The following JPH3 variants were observed in gnomAD, a reference collection of about 807,000 sequenced individuals.
JPH3 encodes junctophilin-3.
Under a neutral mutation model 59.6 loss-of-function variants are expected in JPH3, and 11 were observed. That is an observed-to-expected ratio of 0.18 (90% CI 0.12 to 0.31). JPH3 has a LOEUF of 0.31. JPH3 is among the 10% of genes least tolerant of loss of function. The probability of loss-of-function intolerance (pLI) is 1.00; values close to 1 mark genes in which losing one functional copy is unlikely to be tolerated. For synonymous variants in JPH3, 673 were observed against 483.6 expected (o/e 1.39, Z -5.14); for missense variants, 1,202 against 1,105.7 (o/e 1.09, Z -1.24).
chr16:87,655,456 C>T (rs4573933), intron 2 of JPH3, among the ~76,000 whole-genome samples: 5 of 152,074 alleles, frequency 3.3e-5, no homozygotes, highest in African/African-American at 7.3e-5. Flanking sequence ...TGAGCTCAAA[C>T]GATCCTCCCA....
At chr16:87,660,913 G>A (rs2032681114) in intron 2 of JPH3, among the ~76,000 whole-genome samples, 1 of 152,352 alleles carries the variant, frequency 6.6e-6, no homozygotes, top group African/African-American at 2.4e-5. Flanking sequence ...CATCTGTCCA[G>A]TGGAATGACA....
intron 1 of JPH3, among the ~76,000 whole-genome samples, chr16:87,610,419 G>A (rs1276805880): frequency 6.6e-6 from 1 of 152,220 alleles, no homozygotes. Flanking sequence ...TTCCATATGG[G>A]AAGCGGTTTG....
At chr16:87,639,642 G>A (rs7192813) in intron 1 of JPH3, among the ~76,000 whole-genome samples, 8,413 of 95,528 alleles carry the variant, frequency 0.088, 726 homozygotes, top group African/African-American at 0.25. Context: ...CTGGCCTCCC[G>A]CCTGTCCTCC....
chr16:87,638,385 C>T (rs1424110584), intron 1 of JPH3, among the ~76,000 whole-genome samples: 9 of 152,156 alleles, frequency 5.9e-5, no homozygotes, highest in African/African-American at 1.2e-4. Context: ...GTGCCTGGAC[C>T]GTGGAGCACA....
chr16:87,669,172 G>A (rs573533955), intron 2 of JPH3, among the ~76,000 whole-genome samples: 202 of 152,256 alleles, frequency 1.3e-3, no homozygotes, highest in Admixed American at 3.3e-3. Context: ...TGCAGGCATT[G>A]GTCTGCTCTA....
intron 3 of JPH3, among the ~76,000 whole-genome samples, chr16:87,687,475 G>T (rs1295627144): frequency 1.3e-5 from 2 of 152,194 alleles, no homozygotes; most frequent in East Asian, 1.9e-4. Context: ...TGACCGTCAG[G>T]GTTCTGCCCA....
intron 2 of JPH3, among the ~76,000 whole-genome samples, chr16:87,645,413 A>T (rs985556026): frequency 2.0e-5 from 3 of 152,216 alleles, no homozygotes; most frequent in Non-Finnish European, 4.4e-5. Flanking sequence ...TGACACCACC[A>T]GGTGGGGGTG....
chr16:87,642,779 A>G (rs958572173), intron 1 of JPH3, among the ~76,000 whole-genome samples: 7 of 152,206 alleles, frequency 4.6e-5, no homozygotes, highest in African/African-American at 1.7e-4. Flanking sequence ...GTTCCACTCT[A>G]CAGACGAGGA....
At chr16:87,661,776 C>G (rs1193247699) in intron 2 of JPH3, among the ~76,000 whole-genome samples, 2 of 152,222 alleles carry the variant, frequency 1.3e-5, no homozygotes, top group Non-Finnish European at 2.9e-5. Context: ...GGGGCTTCGA[C>G]TTAGAAGGGG....
At chr16:87,636,304 C>T (rs375959109) in intron 1 of JPH3, among the ~76,000 whole-genome samples, 7 of 152,350 alleles carry the variant, frequency 4.6e-5, no homozygotes, top group African/African-American at 1.7e-4. Context: ...CGCGGTTGGC[C>T]GCCAAGCACT....
intron 1 of JPH3, chr16:87,604,447 G>C (rs1194806050): frequency 7.3e-7 from 1 of 1,378,500 alleles, no homozygotes; most frequent in East Asian, 4.2e-5. Flanking sequence ...TTTCCTGGAA[G>C]CCAGACCCCA....
intron 1 of JPH3, among the ~76,000 whole-genome samples, chr16:87,640,563 T>C (rs1172218935): frequency 6.6e-6 from 1 of 151,778 alleles, no homozygotes; most frequent in African/African-American, 2.4e-5. Context: ...GCTAGTTTTT[T>C]TGTATTTTTA....
intron 1 of JPH3, among the ~76,000 whole-genome samples, chr16:87,605,510 T>C (rs2030486192): frequency 6.6e-6 from 1 of 152,164 alleles, no homozygotes; most frequent in Non-Finnish European, 1.5e-5. Flanking sequence ...GAGCGGCGAT[T>C]ATGTTGTGAC....
At chr16:87,627,079 C>G (rs1381784908) in intron 1 of JPH3, among the ~76,000 whole-genome samples, 1 of 152,264 alleles carries the variant, frequency 6.6e-6, no homozygotes, top group African/African-American at 2.4e-5. Context: ...CGGGCCTGCC[C>G]CAGCCCCGCT....
intron 2 of JPH3, among the ~76,000 whole-genome samples, chr16:87,679,606 G>A (rs957025143): frequency 2.6e-5 from 4 of 152,228 alleles, no homozygotes; most frequent in African/African-American, 9.7e-5. Flanking sequence ...TCCCCCGGAC[G>A]CATTCATCCA....
At chr16:87,628,782 C>T (rs902727065) in intron 1 of JPH3, among the ~76,000 whole-genome samples, 9 of 152,002 alleles carry the variant, frequency 5.9e-5, no homozygotes, top group South Asian at 4.2e-4. Context: ...AGAGCTTTGC[C>T]GTCCTGGGTG....
chr16:87,695,833 C>T (rs1316414588), intron 4 of JPH3: 2 of 456,068 alleles, frequency 4.4e-6, no homozygotes, highest in South Asian at 1.5e-5. Flanking sequence ...TCCTACCTGG[C>T]CCCGGCAAGC....
intron 1 of JPH3, among the ~76,000 whole-genome samples, chr16:87,610,811 C>T (rs754383340): frequency 6.6e-6 from 1 of 152,210 alleles, no homozygotes; most frequent in Non-Finnish European, 1.5e-5. Flanking sequence ...TACCAGCAGT[C>T]ATGACTGGGA....
rs574293956 is a variant in JPH3, at chr16:87,615,033, G to A, written c.382+11505G>A. On this transcript the variant is annotated intron_variant, in intron 1 of 4. Coordinates refer to ENST00000284262, the MANE Select transcript of JPH3 (RefSeq NM_020655.4). ...TCCCTGCACACACGAGGAGCCGCGC[G>A]TCCCCTCCCGGGATAAACGCTGGTC... Among the ~76,000 whole-genome samples, 25 of 149,628 alleles carry A rather than the reference G, an allele frequency of 1.7e-4. No homozygotes were observed. In the East Asian group the frequency reaches 2.8e-3, roughly 17 times the overall value.
Sources: allele counts gnomAD v4.1 joint callset (sites outside exome capture counted in the v4.1 genomes callset), GRCh38; gene constraint gnomAD v4.1.1; transcripts MANE v1.5; gene names NCBI Gene and HGNC (gene_info 2026-07-23, HGNC 2026-07-21).